Variants in DTL observed in about 807,000 individuals in gnomAD.
DTL encodes the protein denticleless protein homolog.
Under a neutral mutation model 87.0 loss-of-function variants are expected in DTL, and 46 were observed. That is an observed-to-expected ratio of 0.53 (90% CI 0.42 to 0.68). The LOEUF is 0.68. Ranked by LOEUF, DTL falls within the 30% of genes least tolerant of loss-of-function variation. The pLI is 0.00. For synonymous variants in DTL, 308 were observed against 311.2 expected (o/e 0.99, Z 0.11); for missense variants, 737 against 869.4 (o/e 0.85, Z 1.91).
At chr1:212,053,850 C>T (rs1668074870) in intron 5 of DTL, among the ~76,000 whole-genome samples, 1 of 152,178 alleles carries the variant, frequency 6.6e-6, no homozygotes, top group South Asian at 2.1e-4. Flanking sequence ...CCTTTACAAC[C>T]TTATCTGATA....
intron 1 of DTL, among the ~76,000 whole-genome samples, chr1:212,038,963 C>CTT (rs1667562760): frequency 6.6e-6 from 1 of 152,156 alleles, no homozygotes; most frequent in Admixed American, 6.5e-5. Flanking sequence ...ACAAACTCCT[C>CTT]TTTATCTGCT....
At chr1:212,084,147 T>TG (rs369058604) in intron 13 of DTL, among the ~76,000 whole-genome samples, 11 of 152,262 alleles carry the variant, frequency 7.2e-5, no homozygotes, top group African/African-American at 2.4e-4. Flanking sequence ...CTGTAGTCTT[T>TG]GATGGTGCTG....
At chr1:212,043,548 G>T (rs1055788073) in intron 2 of DTL, among the ~76,000 whole-genome samples, 2 of 152,144 alleles carry the variant, frequency 1.3e-5, no homozygotes, top group African/African-American at 4.8e-5. Context: ...GCCAAGGTAG[G>T]TCTGGGCACA....
rs558981520 is a variant in DTL at position 212,040,314 on chromosome 1, G to A, written c.53-2679G>A. On this transcript the variant is annotated intron_variant, in intron 1 of 14. Coordinates refer to ENST00000366991, the MANE Select transcript of DTL (RefSeq NM_016448.4). ...GTCTTTGGCCAAAATGCCATTACAT[G>A]GCATATGACTGTATATCGTAGTTGA... Among the ~76,000 whole-genome samples, 50 of 152,216 alleles carry A rather than the reference G, an allele frequency of 3.3e-4. 1 individual carries two copies. Among genetic ancestry groups the A allele is most frequent in the Admixed American group, 5.9e-4 (9 of 15,304 alleles).
chr1:212,045,924 TTTGTTGTTGTTGTTG>T (rs10636026), intron 3 of DTL, among the ~76,000 whole-genome samples: 1 of 150,756 alleles, frequency 6.6e-6, no homozygotes, highest in South Asian at 2.1e-4. Context: ...TGTTTTTGGT[TTTGTTGTTGTTGTTG>T]TTGTTGTTGT....
rs561337182 is a variant in DTL, at chr1:212,080,637, A to G, written c.1148A>G (p.Asn383Ser). 7 of 1,613,512 alleles carry G rather than the reference A, an allele frequency of 4.3e-6. No individual in the cohort carries two copies. The highest frequency in any genetic ancestry group is 3.3e-5 in the Admixed American group (2 of 60,006). Residue 383 changes from asparagine (N) to serine (S), a missense_variant, in exon 13 of 15, where the codon AAT (asparagine) becomes AGT (serine). Physicochemically the swap from Asn to Ser is conservative, Grantham distance 46. Coordinates refer to ENST00000366991, the MANE Select transcript of DTL (RefSeq NM_016448.4). The stretch of plus-strand genomic sequence containing the variant: ...TAGATTGCTACCTGTTCTGATGACA[A>G]TACACTAAAAATCTGGCGCTTGAAT... ...FTKIATCSDDNTLKIWRLNRG... is the reference protein window; with the variant it reads ...FTKIATCSDDSTLKIWRLNRG...
At chr1:212,083,800 G>A (rs923947604) in intron 13 of DTL, among the ~76,000 whole-genome samples, 8 of 152,064 alleles carry the variant, frequency 5.3e-5, no homozygotes, top group African/African-American at 9.6e-5. Flanking sequence ...TAGATGTGCT[G>A]TATACTTGTA....
chr1:212,038,048 C>T (rs1396739183), intron 1 of DTL, among the ~76,000 whole-genome samples: 2 of 152,156 alleles, frequency 1.3e-5, no homozygotes, highest in Non-Finnish European at 2.9e-5. Context: ...AGCTCTAGAC[C>T]AGACACTATT....
chr1:212,101,378 C>T (rs1655621447), intron 14 of DTL, among the ~76,000 whole-genome samples: 1 of 152,144 alleles, frequency 6.6e-6, no homozygotes, highest in Admixed American at 6.6e-5. Context: ...TGTCAGGGTC[C>T]ATACTCCTCA....
intron 10 of DTL, 51 bp downstream of exon 10, chr1:212,068,754 T>C (rs767806736): frequency 1.3e-5 from 15 of 1,179,708 alleles, no homozygotes; most frequent in Non-Finnish European, 1.9e-5. Flanking sequence ...TTATGGGCTT[T>C]TTTTGGTAAT....
At chr1:212,076,936 CT>C (rs946364252) in intron 11 of DTL, among the ~76,000 whole-genome samples, 3 of 152,140 alleles carry the variant, frequency 2.0e-5, no homozygotes, top group African/African-American at 4.8e-5. Context: ...TGCTCTTTGT[CT>C]TCTTTTGCTT....
intron 5 of DTL, among the ~76,000 whole-genome samples, chr1:212,051,304 A>G (rs974259686): frequency 1.3e-5 from 2 of 152,034 alleles, no homozygotes; most frequent in Middle Eastern, 3.2e-3. Context: ...CTCCTCTGAT[A>G]TCATTTCCTT....
chr1:212,085,631 CTT>C (rs2102572474), intron 13 of DTL, among the ~76,000 whole-genome samples: 2 of 152,198 alleles, frequency 1.3e-5, no homozygotes, highest in East Asian at 3.9e-4. Context: ...ACACATGTAA[CTT>C]TATAATTTTG....
Position 212,100,904 on chromosome 1 carries a change from T to C in DTL, c.1914T>C (p.Leu638=). ...YASESCGTLP[L]PLRPCGEGSE... is the part of the protein sequence containing the mutation. ...CAGAAAGCTGTGGAACGCTACCTCT[T>C]CCTTTGAGACCTTGTGGAGAAGGGT... The change falls in exon 14 of 15, where the codon CTT becomes CTC. Residue 638 remains leucine (L), a synonymous_variant. Transcript: ENST00000366991. The C allele has an allele frequency of 6.2e-7, 1 of 1,614,180 alleles. No homozygotes were observed.
intron 10 of DTL, among the ~76,000 whole-genome samples, chr1:212,071,661 A>G (rs890469223): frequency 6.6e-6 from 1 of 152,134 alleles, no homozygotes; most frequent in African/African-American, 2.4e-5. Flanking sequence ...AAGTCTAGTG[A>G]GGAAAAAGTA....
intron 13 of DTL, among the ~76,000 whole-genome samples, chr1:212,087,261 C>A (rs1054551976): frequency 3.3e-5 from 5 of 152,120 alleles, no homozygotes; most frequent in African/African-American, 1.2e-4. Context: ...TAGAACCTAA[C>A]AGAGCAGGCT....
intron 11 of DTL, 93 bp from the exon 12 acceptor site, chr1:212,078,080 T>C: frequency 1.4e-6 from 1 of 720,182 alleles, no homozygotes; most frequent in African/African-American, 1.8e-5. Flanking sequence ...GTAACAATCC[T>C]AAAGCTCTCT....
chr1:212,057,718 G>A (rs1173292674), intron 5 of DTL, among the ~76,000 whole-genome samples: 2 of 152,054 alleles, frequency 1.3e-5, no homozygotes, highest in Non-Finnish European at 2.9e-5. Flanking sequence ...AATAAAGTTA[G>A]GAATAAGCCT....
At chr1:212,043,225 G>A (rs1667707090) in intron 2 of DTL, 107 bp downstream of exon 2, 4 of 1,151,542 alleles carry the variant, frequency 3.5e-6, no homozygotes, top group Admixed American at 2.7e-5. Flanking sequence ...TAAATTAGGT[G>A]GATGTTAGAG....
Sources: gnomAD v4.1 joint callset for allele counts (sites outside exome capture counted in the v4.1 genomes callset) on GRCh38, gnomAD v4.1.1 for gene constraint, MANE v1.5 for transcripts, NCBI Gene and HGNC (gene_info 2026-07-23, HGNC 2026-07-21) for gene names.